The following ARHGAP29 variants were observed in gnomAD, a reference collection of about 807,000 sequenced individuals.
ARHGAP29 encodes the protein rho GTPase-activating protein 29.
ARHGAP29 carries 43 observed loss-of-function variants against 122.6 expected under a neutral mutation model. The observed-to-expected ratio is 0.35, with a 90% CI of 0.27 to 0.45. ARHGAP29 has a LOEUF of 0.45. Ranked by LOEUF, ARHGAP29 falls within the 20% of genes least tolerant of loss-of-function variation. The pLI, the probability that ARHGAP29 is intolerant of heterozygous loss-of-function variation, is 1.00. For synonymous variants in ARHGAP29, 506 were observed against 497.1 expected, an observed-to-expected ratio of 1.02 and a Z score of -0.24; for missense variants, 1,303 against 1,477.2, an observed-to-expected ratio of 0.88 and a Z score of 1.93.
intron 1 of ARHGAP29, among the ~76,000 whole-genome samples, chr1:94,271,820 CT>C: frequency 6.6e-6 from 1 of 152,212 alleles, no homozygotes; most frequent in Non-Finnish European, 1.5e-5. Flanking sequence ...GAAGCACTCT[CT>C]TACTTCCTTT....
At chr1:94,246,995 T>C (rs1289559629) in intron 1 of ARHGAP29, among the ~76,000 whole-genome samples, 1 of 152,090 alleles carries the variant, frequency 6.6e-6, no homozygotes, top group African/African-American at 2.4e-5. Flanking sequence ...CGCAAGACGG[T>C]GTTTTACAAC....
At chr1:94,201,969 C>G in intron 11 of ARHGAP29, 112 bp from the exon 12 acceptor site, 1 of 1,031,130 alleles carries the variant, frequency 9.7e-7, no homozygotes, top group Non-Finnish European at 1.4e-6. Flanking sequence ...CTTCTGTTTT[C>G]AAAATAATAC....
At chr1:94,263,265 G>T (rs1436317135) in intron 1 of ARHGAP29, among the ~76,000 whole-genome samples, 16 of 152,058 alleles carry the variant, frequency 1.1e-4, no homozygotes, top group Admixed American at 7.9e-4. Flanking sequence ...TGAGAGGAGG[G>T]AGAAGATCAG....
intron 3 of ARHGAP29, among the ~76,000 whole-genome samples, chr1:94,210,025 G>T (rs567483155): frequency 6.6e-6 from 1 of 152,094 alleles, no homozygotes; most frequent in East Asian, 1.9e-4. Flanking sequence ...TTTGCATTTT[G>T]TTAAAGCAAA....
intron 1 of ARHGAP29, among the ~76,000 whole-genome samples, chr1:94,236,984 G>A (rs928312794): frequency 6.6e-6 from 1 of 152,188 alleles, no homozygotes; most frequent in African/African-American, 2.4e-5. Flanking sequence ...CCACTAGTCT[G>A]TGTGCTTGGG....
chr1:94,285,662 G>A, the ARHGAP29 span, among the ~76,000 whole-genome samples: 3 of 151,986 alleles, frequency 2.0e-5, no homozygotes, highest in Non-Finnish European at 4.4e-5. Context: ...GGATCATGAG[G>A]TCAGGAGATG....
In ARHGAP29 at chr1:94,265,581, G is replaced by C. The variant is rs77572883; in HGVS notation, c.-33+9431C>G. The stretch of plus-strand genomic sequence containing the variant: ...TGAAGAAACTCTAAGAAATACACCA[G>C]CAATTATTGCCTGGAATGCCCTGAT... On this transcript the variant is annotated intron_variant and NMD_transcript_variant, in intron 1 of 25. Coordinates refer to the ARHGAP29 transcript ENST00000552844. Among the ~76,000 whole-genome samples, 44 of 152,264 alleles carry C rather than the reference G, an allele frequency of 2.9e-4. No homozygotes were observed. In the East Asian group the frequency reaches 7.5e-3, roughly 26 times the overall value.
At chr1:94,211,105 C>T (rs1350128516) in intron 3 of ARHGAP29, among the ~76,000 whole-genome samples, 3 of 150,908 alleles carry the variant, frequency 2.0e-5, no homozygotes, top group Non-Finnish European at 3.0e-5. Context: ...GGCAACATGG[C>T]GAAACCCCAT....
the ARHGAP29 span, chr1:94,302,426 GC>G: frequency 2.8e-6 from 1 of 361,762 alleles, no homozygotes; most frequent in African/African-American, 2.2e-5. Flanking sequence ...ATGGGCATGA[GC>G]CATAAGAAGT....
At chr1:94,296,325 C>T in the ARHGAP29 span, among the ~76,000 whole-genome samples, 4 of 152,118 alleles carry the variant, frequency 2.6e-5, no homozygotes, top group African/African-American at 9.7e-5. Context: ...TGCTTGTGTT[C>T]AAGTCACTCT....
intron 1 of ARHGAP29, among the ~76,000 whole-genome samples, chr1:94,245,423 A>G (rs569207080): frequency 6.6e-6 from 1 of 152,336 alleles, no homozygotes; most frequent in Non-Finnish European, 1.5e-5. Context: ...AAAAAATCAT[A>G]GATGAATCTC....
chr1:94,293,475 C>G, the ARHGAP29 span, among the ~76,000 whole-genome samples: 307 of 152,314 alleles, frequency 2.0e-3, no homozygotes, highest in African/African-American at 7.0e-3. Flanking sequence ...AGCTCACCCT[C>G]CATGGGCTGC....
chr1:94,237,995 T>C (rs975987905), upstream of ARHGAP29, among the ~76,000 whole-genome samples: 1 of 151,032 alleles, frequency 6.6e-6, no homozygotes, highest in Non-Finnish European at 1.5e-5. Flanking sequence ...AAACCAGCCA[T>C]CTACTCTGCC....
At chr1:94,269,281 C>A (rs79933314) in intron 1 of ARHGAP29, among the ~76,000 whole-genome samples, 3,989 of 152,210 alleles carry the variant, frequency 0.026, 179 homozygotes, top group African/African-American at 0.092. Flanking sequence ...TGCTTATAGA[C>A]GACGAAAGGA....
At chr1:94,284,825 T>C in the ARHGAP29 span, among the ~76,000 whole-genome samples, 1 of 152,178 alleles carries the variant, frequency 6.6e-6, no homozygotes, top group Admixed American at 6.6e-5. Flanking sequence ...TTCTAAGCCT[T>C]GGGCACAGAA....
the ARHGAP29 span, among the ~76,000 whole-genome samples, chr1:94,314,118 G>A: frequency 2.6e-5 from 4 of 152,186 alleles, no homozygotes; most frequent in Admixed American, 2.0e-4. Flanking sequence ...AGAACTTAAA[G>A]TATAATAAAA....
chr1:94,312,355 GTT>G, the ARHGAP29 span, among the ~76,000 whole-genome samples: 1,167 of 88,770 alleles, frequency 0.013, 9 homozygotes, highest in African/African-American at 0.044. Flanking sequence ...ATTTTTATTT[GTT>G]TTTTTTTTTT....
At chr1:94,311,843 C>T in the ARHGAP29 span, among the ~76,000 whole-genome samples, 1 of 152,304 alleles carries the variant, frequency 6.6e-6, no homozygotes, top group East Asian at 1.9e-4. Flanking sequence ...GCTGTCTGCC[C>T]TCCTATTAAC....
chr1:94,241,525 T>C (rs565553024), upstream of ARHGAP29, among the ~76,000 whole-genome samples: 1 of 151,342 alleles, frequency 6.6e-6, no homozygotes, highest in East Asian at 1.9e-4. Context: ...GCTAAGGCAG[T>C]AGAATCGCTT....
Sources: gnomAD v4.1 joint callset for allele counts (sites outside exome capture counted in the v4.1 genomes callset) on GRCh38, gnomAD v4.1.1 for gene constraint, MANE v1.5 for transcripts, NCBI Gene and HGNC (gene_info 2026-07-23, HGNC 2026-07-21) for gene names.